The following SOX5 variants were observed in gnomAD, a reference collection of about 807,000 sequenced individuals.
The protein encoded by SOX5 is transcription factor SOX-5.
A neutral mutation model predicts 92.0 loss-of-function variants in SOX5; 9 were observed. That is an observed-to-expected ratio of 0.10 (90% CI 0.06 to 0.17). The LOEUF is 0.17. SOX5 is among the 10% of genes least tolerant of loss of function. The pLI is 1.00. For missense variants in SOX5, 642 were observed against 944.5 expected (o/e 0.68, Z 4.20); for synonymous variants, 344 against 336.3 (o/e 1.02, Z -0.25).
intron 4 of SOX5, among the ~76,000 whole-genome samples, chr12:23,991,971 T>C (rs1023942390): frequency 6.6e-6 from 1 of 152,146 alleles, no homozygotes; most frequent in African/African-American, 2.4e-5. Flanking sequence ...TGAAATCTTA[T>C]ACTATGCAGC....
chr12:24,410,293 TG>T (rs1303420498), intron 1 of SOX5, among the ~76,000 whole-genome samples: 1 of 152,204 alleles, frequency 6.6e-6, no homozygotes, highest in Non-Finnish European at 1.5e-5. Flanking sequence ...CCACAGTACC[TG>T]GCCTCAAATA....
chr12:24,470,053 A>C (rs1290553240), intron 1 of SOX5, among the ~76,000 whole-genome samples: 2 of 152,244 alleles, frequency 1.3e-5, no homozygotes, highest in Non-Finnish European at 2.9e-5. Flanking sequence ...GTGCATGCTA[A>C]TATTACAAGC....
At chr12:24,059,249 G>A (rs939631322) in intron 4 of SOX5, among the ~76,000 whole-genome samples, 1 of 151,798 alleles carries the variant, frequency 6.6e-6, no homozygotes, top group Non-Finnish European at 1.5e-5. Context: ...CTGTGTTTTT[G>A]ATAGAAAATC....
chr12:23,874,745 A>T (rs899093046), intron 2 of SOX5, among the ~76,000 whole-genome samples: 1 of 152,190 alleles, frequency 6.6e-6, no homozygotes, highest in Admixed American at 6.5e-5. Context: ...ATGGAGGGAT[A>T]TTTAAACCTG....
chr12:23,753,677 C>T (rs914745049), intron 4 of SOX5, among the ~76,000 whole-genome samples: 7 of 151,730 alleles, frequency 4.6e-5, no homozygotes, highest in Admixed American at 2.6e-4. Flanking sequence ...CAAACAACTA[C>T]GCCACTGTTC....
intron 2 of SOX5, among the ~76,000 whole-genome samples, chr12:23,868,749 T>C (rs1371122943): frequency 6.6e-6 from 1 of 152,110 alleles, no homozygotes; most frequent in East Asian, 1.9e-4. Context: ...TTTGCTCCCA[T>C]GGATTTGGTC....
chr12:24,379,602 G>C (rs1957615691), intron 1 of SOX5, among the ~76,000 whole-genome samples: 1 of 152,104 alleles, frequency 6.6e-6, no homozygotes, highest in African/African-American at 2.4e-5. Flanking sequence ...CCCATATGGA[G>C]AAATCTCTAT....
At chr12:23,722,401 A>G (rs531596508) in intron 6 of SOX5, among the ~76,000 whole-genome samples, 4 of 152,298 alleles carry the variant, frequency 2.6e-5, no homozygotes, top group South Asian at 2.1e-4. Flanking sequence ...AAAAATTACT[A>G]TCTATGTTAG....
intron 4 of SOX5, among the ~76,000 whole-genome samples, chr12:23,981,761 A>AAATT (rs149376918): frequency 6.6e-6 from 1 of 152,146 alleles, no homozygotes; most frequent in Non-Finnish European, 1.5e-5. Context: ...GACTGTTATC[A>AAATT]AATTAATTAA....
chr12:24,101,024 C>T (rs1351275696), intron 4 of SOX5, among the ~76,000 whole-genome samples: 1 of 152,074 alleles, frequency 6.6e-6, no homozygotes, highest in Non-Finnish European at 1.5e-5. Context: ...CAGGGCCTTC[C>T]ATTTTTACTA....
intron 9 of SOX5, among the ~76,000 whole-genome samples, chr12:23,579,442 T>C (rs1949739337): frequency 6.6e-6 from 1 of 152,204 alleles, no homozygotes; most frequent in Non-Finnish European, 1.5e-5. Context: ...ACCCATTATA[T>C]GATATTATTT....
chr12:24,064,680 G>A lies in SOX5; in HGVS notation c.-2+148663C>T, dbSNP rs191945837. ...ATGAGACTGTGTTCAATATGGTGCT[G>A]GAACTTGGTTTTGTTCCCAGCTGTA... On this transcript the variant is annotated intron_variant, in intron 4 of 4. Transcript: ENST00000446891. 3.3e-5 allele frequency among the ~76,000 whole-genome samples: 5 copies of A among 152,258 alleles called. No homozygotes were observed. The East Asian group carries it at 7.7e-4, about 23-fold the overall frequency.
chr12:23,756,129 T>C (rs1241300304), intron 3 of SOX5, among the ~76,000 whole-genome samples: 1 of 151,792 alleles, frequency 6.6e-6, no homozygotes, highest in African/African-American at 2.4e-5. Context: ...CTGCTACATG[T>C]AATTATATCC....
At chr12:23,575,884 A>C (rs1378901915) in intron 9 of SOX5, 46 bp from the exon 10 acceptor site, 1 of 1,453,806 alleles carries the variant, frequency 6.9e-7, no homozygotes. Context: ...AAAGGCTGAT[A>C]AAAAATGCCT....
At chr12:24,476,407 G>A (rs1945383785) in intron 1 of SOX5, among the ~76,000 whole-genome samples, 3 of 152,284 alleles carry the variant, frequency 2.0e-5, no homozygotes, top group African/African-American at 7.2e-5. Flanking sequence ...GAGTACTGCT[G>A]CTCCAGAGAA....
intron 7 of SOX5, among the ~76,000 whole-genome samples, chr12:23,651,251 T>C (rs74645178): frequency 0.031 from 4,757 of 152,120 alleles, 247 homozygotes; most frequent in African/African-American, 0.11. Flanking sequence ...TGTAAATGTA[T>C]AAAATTGCTT....
chr12:24,347,116 C>T (rs1297772092), intron 2 of SOX5, among the ~76,000 whole-genome samples: 2 of 152,040 alleles, frequency 1.3e-5, no homozygotes, highest in Non-Finnish European at 1.5e-5. Context: ...ATTCAGCAAT[C>T]TAGGATAGAA....
chr12:23,845,783 T>C (rs2096568401), intron 3 of SOX5, among the ~76,000 whole-genome samples, 200 bp downstream of exon 3: 1 of 152,158 alleles, frequency 6.6e-6, no homozygotes, highest in Non-Finnish European at 1.5e-5. Flanking sequence ...CATCACAACA[T>C]AAATTAATGA....
intron 2 of SOX5, among the ~76,000 whole-genome samples, chr12:24,324,044 G>A (rs980400487): frequency 3.9e-5 from 6 of 152,104 alleles, no homozygotes; most frequent in African/African-American, 4.8e-5. Context: ...GGACTGGATC[G>A]TCCTTTGCTG....
Sources: gnomAD v4.1 joint callset for allele counts (sites outside exome capture counted in the v4.1 genomes callset) on GRCh38, gnomAD v4.1.1 for gene constraint, MANE v1.5 for transcripts, NCBI Gene and HGNC (gene_info 2026-07-23, HGNC 2026-07-21) for gene names.